Variants in DUSP1 observed in about 807,000 individuals in gnomAD.
The protein encoded by DUSP1 is dual specificity phosphatase 1.
DUSP1 carries 10 observed loss-of-function variants against 27.4 expected under a neutral mutation model. That is an observed-to-expected ratio of 0.37 (90% CI 0.23 to 0.62). The LOEUF (loss-of-function observed/expected upper bound fraction) is 0.62, where lower values mean the gene tolerates loss of function less well. Among genes scored for constraint, DUSP1 ranks in the 20% least tolerant of loss-of-function variants. The pLI is 0.68. For synonymous variants in DUSP1, 262 were observed against 223.6 expected (o/e 1.17, Z -1.53); for missense variants, 425 against 508.1 (o/e 0.84, Z 1.57).
At position 172,768,929 on chromosome 5, in the gene DUSP1, G is replaced by A. The variant is rs1441039535; in HGVS notation, c.937C>T (p.Leu313=). 1 of 1,614,190 alleles carries A rather than the reference G, an allele frequency of 6.2e-7. No homozygotes were observed. Residue 313 remains leucine, a synonymous_variant, in exon 4 of 4, where the codon CTG becomes TTG. Transcript: ENST00000239223. The stretch of plus-strand genomic sequence containing the variant: ...GCCTCTGCCGAACAGTGCGGAGCCA[G>A]CACCTGGGACTCAAACTGCAGCAGC... ...GQLLQFESQV[L]APHCSAEAGS...
Position 172,770,713 on chromosome 5 carries a change from G to A in DUSP1, c.240C>T (p.Tyr80=). 1 of 1,399,366 alleles carries A rather than the reference G, an allele frequency of 7.1e-7. No homozygotes were observed. Among genetic ancestry groups the A allele is most frequent in the Non-Finnish European group, 9.3e-7 (1 of 1,079,210 alleles). 86.7% of individuals were successfully genotyped at this position (1,399,366 alleles called of 1,614,324 possible). ...GCTCGTCCAGCAACACCACGGCGTG[G>A]TAGGCGCCGGCCAGCAGGCGGCCGC... ...ELRGRLLAGA[Y]HAVVLLDERS... Residue 80 remains tyrosine, a synonymous_variant, in exon 1 of 4, where the codon TAC becomes TAT. Transcript: ENST00000239223.
At position 172,770,914 on chromosome 5, in the gene DUSP1, C is replaced by T; in HGVS notation, c.39G>A (p.Leu13=). Residue 13 remains leucine (L), a synonymous_variant, in exon 1 of 4, where the codon CTG becomes CTA. Coordinates refer to ENST00000239223, the MANE Select transcript of DUSP1 (RefSeq NM_004417.4). ...CCGCTCGCTCCCCCAGCAGCGCCCG[C>T]AGGCCTCCAGCGTCCAGGGTGCCCA... is the stretch of plus-strand genomic sequence containing the variant. ...MEVGTLDAGG[L]RALLGERAAQ... 1 of 1,537,322 alleles carries T rather than the reference C, an allele frequency of 6.5e-7. No individual in the cohort carries two copies. The highest frequency in any genetic ancestry group is 2.5e-5 in the East Asian group (1 of 40,702).
At position 172,771,145 on chromosome 5, in the gene DUSP1, C is replaced by G; in HGVS notation, c.-193G>C. ...GGCTCCTCGGCTTCTTCGCGGTTCC[C>G]CCGACTGCCCCTCCGACCCGCGTCG... On this transcript the variant is annotated 5_prime_UTR_variant, in exon 1 of 4. Transcript: ENST00000239223. 1.5e-6 allele frequency: 1 copy of G among 687,870 alleles called. No individual in the cohort carries two copies. The allele number at this position is 687,870 out of a possible 1,614,324, so 42.6% of individuals were successfully genotyped here. A position where few individuals can be genotyped will look rare whatever the true frequency, so the allele number is the denominator to read the frequency against.
intron 3 of DUSP1, 128 bp from the exon 4 acceptor site, chr5:172,769,260 ACATGGATACTGTT>A: frequency 7.2e-7 from 1 of 1,397,872 alleles, no homozygotes. Context: ...ACATGCCATC[ACATGGATACTGTT>A]CATGGAGGCA....
rs763678766 is a variant in DUSP1 at position 172,770,175 on chromosome 5, G to A, written c.499C>T (p.Pro167Ser). The part of the protein sequence containing the change: ...AESGCSSCST[P>S]LYDQGGPVEI... ...CACCTACTAACCTGATCGTAGAGTGGGGTACTGCAGGAACTGCACCCAGAT... is the reference window on the plus strand; with the variant it reads ...CACCTACTAACCTGATCGTAGAGTGAGGTACTGCAGGAACTGCACCCAGAT... Residue 167 changes from proline (P) to serine (S), a missense_variant, in exon 2 of 4, where the codon CCA becomes TCA. Physicochemically the swap from Pro to Ser is moderately conservative, Grantham distance 74 (BLOSUM62 -1). Transcript: ENST00000239223. The A allele has an allele frequency of 1.3e-6, 2 of 1,584,828 alleles. No homozygotes were observed. Among genetic ancestry groups the A allele is most frequent in the East Asian group, 2.2e-5 (1 of 44,514 alleles).
At position 172,769,812 on chromosome 5, in the gene DUSP1, C is replaced by A. The variant is rs57501400; in HGVS notation, c.514-18G>T. ...GGGCCACCCTGAAATCCAGAAATAT[C>A]CAACATTCATCAAGCTTGCTCAAAG... On this transcript the variant is annotated intron_variant, in intron 2 of 3. Coordinates refer to ENST00000239223, the MANE Select transcript of DUSP1 (RefSeq NM_004417.4). The A allele has an allele frequency of 1.8e-4, 287 of 1,610,460 alleles. 1 individual carries two copies. In the African/African-American group the frequency reaches 3.5e-3, roughly 20 times the overall value.
In DUSP1 at chr5:172,770,285, G is replaced by A. The variant is rs1167327668; in HGVS notation, c.389C>T (p.Ala130Val). ...FLKGGYEAFS[A>V]SCPELCSKQS... Reference sequence around the variant, plus strand: ...TTTGCTGCACAGCTCCGGGCAGGAAGCCGAAAACGCTTCGTATCCTCCTGG... The same window carrying A: ...TTTGCTGCACAGCTCCGGGCAGGAAACCGAAAACGCTTCGTATCCTCCTGG... Residue 130 changes from alanine to valine, a missense_variant, in exon 2 of 4, where the codon GCT becomes GTT. Coordinates refer to ENST00000239223, the MANE Select transcript of DUSP1 (RefSeq NM_004417.4). 2 of 1,611,478 alleles carry A rather than the reference G, an allele frequency of 1.2e-6. No individual in the cohort carries two copies. Among genetic ancestry groups the A allele is most frequent in the Non-Finnish European group, 1.7e-6 (2 of 1,179,076 alleles).
In DUSP1 at chr5:172,770,732, C is replaced by A. The variant is rs1328603721; in HGVS notation, c.221G>T (p.Arg74Leu). ...HIVPNAELRG[R>L]LLAGAYHAVV... ...GGCGTGGTAGGCGCCGGCCAGCAGG[C>A]GGCCGCGGAGCTCGGCGTTGGGCAC... The change falls in exon 1 of 4, where the codon CGC (arginine) becomes CTC (leucine). Residue 74 changes from arginine to leucine, a missense_variant. Transcript: ENST00000239223. 2 of 1,418,252 alleles carry A rather than the reference C, an allele frequency of 1.4e-6. No homozygotes were observed. The highest frequency in any genetic ancestry group is 1.4e-5 in the South Asian group (1 of 70,772). 87.9% of individuals were successfully genotyped at this position (1,418,252 alleles called of 1,614,324 possible). A position where few individuals can be genotyped will look rare whatever the true frequency, so the allele number is the denominator to read the frequency against.
Position 172,770,980 on chromosome 5 carries a change from C to A in DUSP1, c.-28G>T. 2 of 1,393,946 alleles carry A rather than the reference C, an allele frequency of 1.4e-6. No homozygotes were observed. Among genetic ancestry groups the A allele is most frequent in the East Asian group, 2.8e-5 (1 of 35,372 alleles). The allele number at this position is 1,393,946 out of a possible 1,614,324, so 86.3% of individuals were successfully genotyped here. A position where few individuals can be genotyped will look rare whatever the true frequency, so the allele number is the denominator to read the frequency against. On this transcript the variant is annotated 5_prime_UTR_variant, in exon 1 of 4. Transcript: ENST00000239223. ...CCGGCCTCAGCGCCCCCAGCGTGAT[C>A]GGCCCTGCGGTGCTCTTTGTCTGTT...
In DUSP1 at chr5:172,771,089, G is replaced by A; in HGVS notation, c.-137C>T. On this transcript the variant is annotated 5_prime_UTR_variant, in exon 1 of 4. Transcript: ENST00000239223. Reference sequence around the variant, plus strand: ...TGCGCCGAACCAAAAGCCGCTTTTGGACTGAGAGAGGAGCGTCACGCGGGG... The same window carrying A: ...TGCGCCGAACCAAAAGCCGCTTTTGAACTGAGAGAGGAGCGTCACGCGGGG... 1 of 1,190,380 alleles carries A rather than the reference G, an allele frequency of 8.4e-7. No homozygotes were observed. Among genetic ancestry groups the A allele is most frequent in the Admixed American group, 4.1e-5 (1 of 24,238 alleles). 73.7% of individuals were successfully genotyped at this position (1,190,380 alleles called of 1,614,324 possible). A position where few individuals can be genotyped will look rare whatever the true frequency, so the allele number is the denominator to read the frequency against.
Position 172,769,749 on chromosome 5 carries a change from A to G in DUSP1, c.559T>C (p.Tyr187His), listed in dbSNP as rs34471628. ...AGCATGTCCTTGCGGGAAGCGTGAT[A>G]CGCACTGCCCAGGTACAGAAAGGGC... ...ILPFLYLGSA[Y>H]HASRKDMLDA... The change falls in exon 3 of 4, where the codon TAT (tyrosine) becomes CAT (histidine). Residue 187 changes from tyrosine (Y) to histidine (H), a missense_variant. Transcript: ENST00000239223. The G allele has an allele frequency of 0.031, 50,637 of 1,614,260 alleles. 939 individuals carry two copies. Among genetic ancestry groups the G allele is most frequent in the Non-Finnish European group, 0.038 (44,573 of 1,180,042 alleles).
Position 172,768,663 on chromosome 5 carries a change from G to T in DUSP1, c.*99C>A. The T allele has an allele frequency of 1.4e-6, 2 of 1,405,026 alleles. No individual in the cohort carries two copies. The highest frequency in any genetic ancestry group is 3.5e-5 in the South Asian group (2 of 56,794). The allele number at this position is 1,405,026 out of a possible 1,614,324, so 87.0% of individuals were successfully genotyped here. ...ACTCGGGTGAAGTTAAATAAATAAG[G>T]ACCAGCCCTCTCGAGCCCCTCCCAG... On this transcript the variant is annotated 3_prime_UTR_variant, in exon 4 of 4. Coordinates refer to ENST00000239223, the MANE Select transcript of DUSP1 (RefSeq NM_004417.4).
chr5:172,768,630 C>A lies in DUSP1; in HGVS notation c.*132G>T. 1 of 1,272,912 alleles carries A rather than the reference C, an allele frequency of 7.9e-7. No individual in the cohort carries two copies. Among genetic ancestry groups the A allele is most frequent in the Non-Finnish European group, 1.0e-6 (1 of 979,338 alleles). The allele number at this position is 1,272,912 out of a possible 1,614,324, so 78.9% of individuals were successfully genotyped here. On this transcript the variant is annotated 3_prime_UTR_variant, in exon 4 of 4. Transcript: ENST00000239223. ...GTCATCACCATAACTGCTTAGAAACCCAGAGGAACTCGGGTGAAGTTAAAT... is the reference window on the plus strand; with the variant it reads ...GTCATCACCATAACTGCTTAGAAACACAGAGGAACTCGGGTGAAGTTAAAT...
chr5:172,768,538 T>C lies in DUSP1; in HGVS notation c.*224A>G, dbSNP rs1429900334. 2 of 457,130 alleles carry C rather than the reference T, an allele frequency of 4.4e-6. No individual in the cohort carries two copies. Among genetic ancestry groups the C allele is most frequent in the East Asian group, 7.4e-5 (2 of 26,868 alleles). The allele number at this position is 457,130 out of a possible 1,614,324, so 28.3% of individuals were successfully genotyped here. A position where few individuals can be genotyped will look rare whatever the true frequency, so the allele number is the denominator to read the frequency against. On this transcript the variant is annotated 3_prime_UTR_variant, in exon 4 of 4. Transcript: ENST00000239223. Reference sequence around the variant, plus strand: ...TTCTCTTCTGCCCCATTTTGTCAGATGGACTTGATGTACCCACTATATATT... The same window carrying C: ...TTCTCTTCTGCCCCATTTTGTCAGACGGACTTGATGTACCCACTATATATT...
intron 1 of DUSP1, 65 bp from the exon 2 acceptor site, chr5:172,770,371 T>G: frequency 6.3e-7 from 1 of 1,594,182 alleles, no homozygotes; most frequent in Non-Finnish European, 8.5e-7. Flanking sequence ...TTCATACAAC[T>G]CCCCCACCCA....
rs938404789 is a variant in DUSP1 at position 172,769,731 on chromosome 5, C to A, written c.577G>T (p.Asp193Tyr). The A allele has an allele frequency of 3.1e-6, 5 of 1,614,142 alleles. No individual in the cohort carries two copies. The highest frequency in any genetic ancestry group is 4.2e-6 in the Non-Finnish European group (5 of 1,180,052). Reference protein sequence around the residue: ...LGSAYHASRKDMLDALGITAL... With the variant: ...LGSAYHASRKYMLDALGITAL... ...GTGATGCCCAAGGCATCCAGCATGT[C>A]CTTGCGGGAAGCGTGATACGCACTG... Residue 193 changes from aspartate (D) to tyrosine (Y), a missense_variant, in exon 3 of 4, where the codon GAC (aspartate) becomes TAC (tyrosine). This residue lies in a region of DUSP1 where 282 missense variants were observed against 319.3 expected (regional missense o/e 0.88). Coordinates refer to ENST00000239223, the MANE Select transcript of DUSP1 (RefSeq NM_004417.4).
Position 172,770,904 on chromosome 5 carries a change from G to A in DUSP1, c.49C>T (p.Leu17=), listed in dbSNP as rs1221386474. 1.3e-6 allele frequency: 2 copies of A among 1,533,798 alleles called. No individual in the cohort carries two copies. Among genetic ancestry groups the A allele is most frequent in the Admixed American group, 4.0e-5 (2 of 50,256 alleles). The change falls in exon 1 of 4, where the codon CTG becomes TTG. Residue 17 remains leucine, a synonymous_variant. Transcript: ENST00000239223. ...TLDAGGLRAL[L]GERAAQCLLL... is the part of the protein sequence containing the mutation. ...AGGCATTGCGCCGCTCGCTCCCCCA[G>A]CAGCGCCCGCAGGCCTCCAGCGTCC...
chr5:172,769,802 C>G lies in DUSP1; in HGVS notation c.514-8G>C. The G allele has an allele frequency of 1.2e-6, 2 of 1,612,236 alleles. No homozygotes were observed. The highest frequency in any genetic ancestry group is 1.7e-6 in the Non-Finnish European group (2 of 1,179,278). On this transcript the variant is annotated splice_region_variant and splice_polypyrimidine_tract_variant and intron_variant, in intron 2 of 3. Transcript: ENST00000239223. Reference sequence around the variant, plus strand: ...GATTTCCACCGGGCCACCCTGAAATCCAGAAATATCCAACATTCATCAAGC... The same window carrying G: ...GATTTCCACCGGGCCACCCTGAAATGCAGAAATATCCAACATTCATCAAGC...
At chr5:172,769,531 G>T in intron 3 of DUSP1, 44 bp downstream of exon 3, 1 of 1,607,788 alleles carries the variant, frequency 6.2e-7, no homozygotes, top group South Asian at 1.1e-5. Context: ...TGGCTAAAAT[G>T]AGAAGAGAAA....
Sources: allele counts gnomAD v4.1 joint callset, GRCh38; gene constraint gnomAD v4.1.1; regional missense constraint gnomAD v4.1.1; transcripts MANE v1.5; gene names NCBI Gene and HGNC (gene_info 2026-07-23, HGNC 2026-07-21).